The following CDC25C variants were observed in gnomAD, a reference collection of about 807,000 sequenced individuals.
CDC25C encodes the protein cell division cycle 25C, also known as M-phase inducer phosphatase 3.
Under a neutral mutation model 52.5 loss-of-function variants are expected in CDC25C, and 48 were observed. The observed-to-expected ratio is 0.91, with a 90% CI of 0.72 to 1.16. CDC25C has a LOEUF of 1.16. Ranked by LOEUF, CDC25C falls within the 50% of genes most tolerant of loss-of-function variation. The pLI is 0.00. For synonymous variants in CDC25C, 187 were observed against 206.5 expected (o/e 0.91, Z 0.81); for missense variants, 510 against 566.1 (o/e 0.90, Z 1.01).
chr5:138,292,500 A>C (rs1312060507), intron 7 of CDC25C, among the ~76,000 whole-genome samples: 3 of 151,756 alleles, frequency 2.0e-5, no homozygotes, highest in African/African-American at 4.8e-5. Flanking sequence ...AAAAAAAAAA[A>C]AAACATAAGT....
chr5:138,329,794 G>A (rs1760204318), intron 2 of CDC25C, 147 bp from the exon 3 acceptor site: 4 of 489,358 alleles, frequency 8.2e-6, no homozygotes, highest in South Asian at 7.3e-5. Context: ...GCAGTGGCAC[G>A]ATCTTGGCTC....
chr5:138,319,517 C>G (rs1759178661), intron 6 of CDC25C, 143 bp from the exon 7 acceptor site: 1 of 571,362 alleles, frequency 1.8e-6, no homozygotes, highest in Admixed American at 3.9e-5. Flanking sequence ...ACCAAAAGCA[C>G]AGGTAACGAA....
chr5:138,307,334 C>G (rs1758082266), intron 7 of CDC25C, among the ~76,000 whole-genome samples: 1 of 150,464 alleles, frequency 6.6e-6, no homozygotes, highest in Admixed American at 6.6e-5. Flanking sequence ...GAAATTGTCT[C>G]TACAAAAATT....
chr5:138,307,490 C>CAAACAAA (rs1758097226), intron 7 of CDC25C, among the ~76,000 whole-genome samples: 1 of 88,248 alleles, frequency 1.1e-5, no homozygotes, highest in Non-Finnish European at 2.0e-5. Flanking sequence ...GAGACTGCCA[C>CAAACAAA]AAAAAAAAAA....
intron 7 of CDC25C, among the ~76,000 whole-genome samples, chr5:138,308,809 G>A (rs1022368826): frequency 2.6e-5 from 4 of 152,074 alleles, no homozygotes; most frequent in African/African-American, 9.7e-5. Flanking sequence ...TGGGAAAATT[G>A]CTAAAAACAG....
chr5:138,295,328 C>T (rs539633034), intron 7 of CDC25C, among the ~76,000 whole-genome samples: 65 of 152,186 alleles, frequency 4.3e-4, no homozygotes, highest in African/African-American at 1.5e-3. Context: ...GCTACTTCAG[C>T]GGCCAGGCAT....
chr5:138,329,689 T>C, intron 2 of CDC25C, 42 bp from the exon 3 acceptor site: 1 of 1,109,258 alleles, frequency 9.0e-7, no homozygotes, highest in East Asian at 2.4e-5. Flanking sequence ...CATTAGATTA[T>C]TATATCCTTA....
chr5:138,305,855 C>G (rs1458568824), intron 7 of CDC25C, among the ~76,000 whole-genome samples: 1 of 152,134 alleles, frequency 6.6e-6, no homozygotes, highest in African/African-American at 2.4e-5. Flanking sequence ...CCCTTGTGAC[C>G]AACTAGATAT....
chr5:138,286,262 T>A (rs1406907082), intron 12 of CDC25C, 129 bp from the exon 13 acceptor site: 2 of 827,022 alleles, frequency 2.4e-6, no homozygotes, highest in Non-Finnish European at 3.8e-6. Flanking sequence ...AATCTCCCTG[T>A]GTTTGCAAAA....
intron 6 of CDC25C, 35 bp downstream of exon 6, chr5:138,325,780 C>T (rs761153348): frequency 2.1e-6 from 3 of 1,456,670 alleles, no homozygotes; most frequent in African/African-American, 2.8e-5. Flanking sequence ...AAAAATAAAA[C>T]TGCCAATATA....
chr5:138,304,944 C>G (rs1757893159), intron 7 of CDC25C, among the ~76,000 whole-genome samples: 1 of 152,192 alleles, frequency 6.6e-6, no homozygotes, highest in East Asian at 1.9e-4. Flanking sequence ...AGAATAGAAT[C>G]CAAACACTCA....
intron 7 of CDC25C, among the ~76,000 whole-genome samples, chr5:138,306,820 CAA>C (rs1230739766): frequency 6.9e-6 from 1 of 145,760 alleles, no homozygotes; most frequent in African/African-American, 2.5e-5. Flanking sequence ...AAAACAGTAA[CAA>C]AAAAAAATCC....
intron 6 of CDC25C, among the ~76,000 whole-genome samples, chr5:138,322,374 A>G (rs1396120895): frequency 1.3e-5 from 2 of 151,114 alleles, no homozygotes; most frequent in African/African-American, 4.9e-5. Context: ...GTCTCGGCTT[A>G]CTGAAACCTC....
intron 7 of CDC25C, among the ~76,000 whole-genome samples, chr5:138,312,805 C>T (rs768239361): frequency 2.0e-4 from 30 of 152,194 alleles, no homozygotes; most frequent in Non-Finnish European, 3.8e-4. Flanking sequence ...CTAAACTATA[C>T]ACTTGAAAAT....
At chr5:138,326,985 G>A (rs1759928742) in intron 4 of CDC25C, among the ~76,000 whole-genome samples, 1 of 148,660 alleles carries the variant, frequency 6.7e-6, no homozygotes, top group Admixed American at 6.7e-5. Flanking sequence ...GGCTGGGCGC[G>A]GGGGCTCACG....
chr5:138,326,079 T>A, intron 4 of CDC25C, 25 bp from the exon 5 acceptor site: 1 of 1,613,416 alleles, frequency 6.2e-7, no homozygotes, highest in Non-Finnish European at 8.5e-7. Flanking sequence ...AAACTGCCTG[T>A]CAGGTTAGTC....
chr5:138,314,775 A>AT (rs1297814916), intron 7 of CDC25C, among the ~76,000 whole-genome samples: 1,875 of 129,434 alleles, frequency 0.014, 19 homozygotes, highest in Non-Finnish European at 0.019. Flanking sequence ...CACCTGGCTA[A>AT]TTTTTTTTTT....
chr5:138,304,859 G>A (rs1757888319), intron 7 of CDC25C, among the ~76,000 whole-genome samples: 1 of 151,984 alleles, frequency 6.6e-6, no homozygotes, highest in Non-Finnish European at 1.5e-5. Context: ...CAACAAGAGT[G>A]GTCTTCACAA....
intron 13 of CDC25C, 58 bp from the exon 14 acceptor site, chr5:138,285,899 G>T: frequency 6.3e-7 from 1 of 1,584,994 alleles, no homozygotes; most frequent in Non-Finnish European, 8.6e-7. Context: ...TACCTATGAA[G>T]GATAATAGAG....
Sources: gnomAD v4.1 joint callset for allele counts (sites outside exome capture counted in the v4.1 genomes callset) on GRCh38, gnomAD v4.1.1 for gene constraint, MANE v1.5 for transcripts, NCBI Gene and HGNC (gene_info 2026-07-23, HGNC 2026-07-21) for gene names.